The following MDGA2 variants were observed in gnomAD, a reference collection of about 807,000 sequenced individuals.
MDGA2 encodes the protein MAM domain-containing glycosylphosphatidylinositol anchor protein 2.
Under a neutral mutation model 117.8 loss-of-function variants are expected in MDGA2, and 40 were observed. The observed-to-expected ratio is 0.34, with a 90% confidence interval of 0.26 to 0.44. The LOEUF (loss-of-function observed/expected upper bound fraction) is 0.44, where lower values mean the gene tolerates loss of function less well. Among genes scored for constraint, MDGA2 ranks in the 20% least tolerant of loss-of-function variants. The pLI, the probability that MDGA2 is intolerant of heterozygous loss-of-function variation, is 1.00. For missense variants in MDGA2, 1,123 were observed against 1,250.6 expected (o/e 0.90, Z 1.54); for synonymous variants, 452 against 439.0 (o/e 1.03, Z -0.37).
intron 8 of MDGA2, among the ~76,000 whole-genome samples, chr14:46,958,789 A>C (rs1885665424): frequency 6.6e-6 from 1 of 152,206 alleles, no homozygotes; most frequent in Non-Finnish European, 1.5e-5. Flanking sequence ...TTTTTTGCTT[A>C]ACTGAATTGT....
At chr14:46,853,327 T>C (rs1881136009) in intron 15 of MDGA2, among the ~76,000 whole-genome samples, 1 of 151,940 alleles carries the variant, frequency 6.6e-6, no homozygotes, top group South Asian at 2.1e-4. Flanking sequence ...AGCAATTTTA[T>C]GTATGTGTGA....
intron 2 of MDGA2, among the ~76,000 whole-genome samples, chr14:47,289,149 A>G (rs1425834183): frequency 1.3e-5 from 2 of 152,014 alleles, no homozygotes; most frequent in East Asian, 3.9e-4. Flanking sequence ...AAGTAAATTA[A>G]TTGTCTTAAT....
Position 47,225,189 on chromosome 14 carries a change from T to C in MDGA2, c.421-6994A>G, listed in dbSNP as rs575651752. ...AGGTGCTGGAGAGGATGTGGAGAAA[T>C]AGGAACACTTTTACACTGTTGGTGG... On this transcript the variant is annotated intron_variant, in intron 2 of 16. Transcript: ENST00000399232. Among the ~76,000 whole-genome samples the C allele has an allele frequency of 5.7e-3, 861 of 151,962 alleles. 5 individuals are homozygous for C. The highest frequency in any genetic ancestry group is 8.3e-3 in the Non-Finnish European group (561 of 67,964).
chr14:47,310,928 T>C (rs1200696106), intron 1 of MDGA2, among the ~76,000 whole-genome samples: 1 of 152,118 alleles, frequency 6.6e-6, no homozygotes, highest in African/African-American at 2.4e-5. Flanking sequence ...AAATCTTTGA[T>C]CAGGTCTTTC....
intron 5 of MDGA2, among the ~76,000 whole-genome samples, chr14:47,098,794 AAGGCC>A (rs1566622924): frequency 1.3e-5 from 2 of 151,984 alleles, no homozygotes; most frequent in Non-Finnish European, 2.9e-5. Flanking sequence ...CCAAGGCCTA[AAGGCC>A]ATTAACAGCA....
chr14:47,618,493 A>G (rs972827647), intron 1 of MDGA2, among the ~76,000 whole-genome samples: 2 of 152,116 alleles, frequency 1.3e-5, no homozygotes, highest in Non-Finnish European at 2.9e-5. Context: ...GTCCTTTCTC[A>G]AGACTCTCTA....
At chr14:47,085,088 T>C (rs2138912743) in intron 6 of MDGA2, among the ~76,000 whole-genome samples, 1 of 151,672 alleles carries the variant, frequency 6.6e-6, no homozygotes, top group South Asian at 2.1e-4. Flanking sequence ...ACAGTGAAAA[T>C]AAGAAAGTAT....
chr14:47,532,636 T>C (rs1895123799), intron 1 of MDGA2, among the ~76,000 whole-genome samples: 1 of 152,238 alleles, frequency 6.6e-6, no homozygotes, highest in Non-Finnish European at 1.5e-5. Flanking sequence ...TTTTCAGTGA[T>C]ACTACTTTCT....
intron 1 of MDGA2, among the ~76,000 whole-genome samples, chr14:47,371,427 T>C (rs538851642): frequency 9.8e-4 from 149 of 151,950 alleles, no homozygotes; most frequent in African/African-American, 3.5e-3. Context: ...TCATGAACTA[T>C]ATTCAAGACA....
At chr14:46,993,794 G>A (rs778491811) in intron 8 of MDGA2, among the ~76,000 whole-genome samples, 3 of 152,036 alleles carry the variant, frequency 2.0e-5, no homozygotes, top group Non-Finnish European at 4.4e-5. Flanking sequence ...GATCCATACT[G>A]GCTATCTTTT....
At chr14:47,082,828 G>A (rs1890756656) in intron 6 of MDGA2, among the ~76,000 whole-genome samples, 1 of 151,676 alleles carries the variant, frequency 6.6e-6, no homozygotes, top group South Asian at 2.1e-4. Context: ...ATACAAAGCT[G>A]GGAAAAGCTA....
At chr14:47,367,110 C>A (rs1171831915) in intron 1 of MDGA2, among the ~76,000 whole-genome samples, 1 of 151,994 alleles carries the variant, frequency 6.6e-6, no homozygotes, top group Non-Finnish European at 1.5e-5. Context: ...CAGAGTAATG[C>A]AAATATAACT....
At chr14:47,529,086 C>G (rs556546857) in intron 1 of MDGA2, among the ~76,000 whole-genome samples, 3 of 151,802 alleles carry the variant, frequency 2.0e-5, no homozygotes, top group Admixed American at 6.6e-5. Flanking sequence ...ACAAGCTCCG[C>G]CCCCCGGGTT....
intron 1 of MDGA2, among the ~76,000 whole-genome samples, chr14:47,351,926 C>T (rs1260099802): frequency 6.6e-6 from 1 of 151,544 alleles, no homozygotes; most frequent in Non-Finnish European, 1.5e-5. Flanking sequence ...CACACACACA[C>T]ACACACACAC....
At chr14:47,650,742 T>A (rs942682234) in intron 1 of MDGA2, among the ~76,000 whole-genome samples, 1 of 152,192 alleles carries the variant, frequency 6.6e-6, no homozygotes, top group Non-Finnish European at 1.5e-5. Context: ...AATAAAAATA[T>A]GTGAAGCAGA....
At chr14:46,965,425 G>T (rs1885989192) in intron 8 of MDGA2, among the ~76,000 whole-genome samples, 1 of 152,092 alleles carries the variant, frequency 6.6e-6, no homozygotes, top group Non-Finnish European at 1.5e-5. Flanking sequence ...TTCAAACATA[G>T]TCTATTTTCA....
chr14:46,989,334 G>A lies in MDGA2; in HGVS notation c.1820-31691C>T, dbSNP rs530235073. On this transcript the variant is annotated intron_variant, in intron 8 of 16. Transcript: ENST00000399232. ...GATAGCTGCACTGGAAAAAAAAAAG[G>A]GGGGTATCCTTGTGAAGACAATAAA... 4.0e-4 allele frequency among the ~76,000 whole-genome samples: 49 copies of A among 121,852 alleles called. No individual in the cohort carries two copies. In the South Asian group the frequency reaches 9.8e-3, roughly 24 times the overall value. 79.9% of individuals were successfully genotyped at this position (121,852 alleles called of 152,430 possible).
intron 10 of MDGA2, among the ~76,000 whole-genome samples, chr14:46,919,627 GCTT>G (rs1884046761): frequency 6.6e-6 from 1 of 152,022 alleles, no homozygotes; most frequent in Admixed American, 6.5e-5. Context: ...ACAACTTCTG[GCTT>G]CTTAGGAATC....
At chr14:46,963,277 T>C (rs1276542730) in intron 8 of MDGA2, among the ~76,000 whole-genome samples, 7 of 152,222 alleles carry the variant, frequency 4.6e-5, no homozygotes. Context: ...ATTTCTCACA[T>C]GGACTACAAC....
Sources: allele counts gnomAD v4.1 joint callset (sites outside exome capture counted in the v4.1 genomes callset), GRCh38; gene constraint gnomAD v4.1.1; transcripts MANE v1.5; gene names NCBI Gene and HGNC (gene_info 2026-07-23, HGNC 2026-07-21).